The following NEGR1 variants were observed in gnomAD, a reference collection of about 807,000 sequenced individuals.
The protein encoded by NEGR1 is neuronal growth regulator 1, also known as IgLON family member 4.
In NEGR1, 10 loss-of-function variants were observed where a neutral mutation model predicts 40.9. That is an observed-to-expected ratio of 0.24 (90% CI 0.15 to 0.42). The LOEUF (loss-of-function observed/expected upper bound fraction) is 0.42, where lower values mean the gene tolerates loss of function less well. Among genes scored for constraint, NEGR1 ranks in the 10% least tolerant of loss-of-function variants. The probability of loss-of-function intolerance (pLI) is 1.00; values close to 1 mark genes in which losing one functional copy is unlikely to be tolerated. For missense variants in NEGR1, 352 were observed against 438.9 expected (o/e 0.80, Z 1.77); for synonymous variants, 185 against 166.8 (o/e 1.11, Z -0.84).
chr1:71,667,708 G>C lies in NEGR1; in HGVS notation c.667+30300C>G, dbSNP rs137947508. Among the ~76,000 whole-genome samples the C allele has an allele frequency of 7.5e-3, 1,142 of 152,228 alleles. 9 individuals are homozygous for C. The highest frequency in any genetic ancestry group is 0.015 in the South Asian group (73 of 4,820). On this transcript the variant is annotated intron_variant, in intron 4 of 6. Transcript: ENST00000357731. ...AATTTTTAATTTACCATTGAATTTA[G>C]TATAGCAAAATTTCTAAAGGCACAA...
chr1:72,170,700 G>A (rs1432488855), intron 1 of NEGR1, among the ~76,000 whole-genome samples: 1 of 152,188 alleles, frequency 6.6e-6, no homozygotes, highest in Admixed American at 6.5e-5. Context: ...CATGTTTACA[G>A]TTTGATGTAA....
intron 4 of NEGR1, among the ~76,000 whole-genome samples, chr1:71,659,297 A>G (rs1450821164): frequency 3.9e-5 from 6 of 152,168 alleles, no homozygotes; most frequent in Admixed American, 2.6e-4. Flanking sequence ...CCGCTCTTCA[A>G]TAGCCAAATT....
intron 2 of NEGR1, among the ~76,000 whole-genome samples, chr1:71,791,857 A>C (rs1323000653): frequency 2.0e-5 from 3 of 152,126 alleles, no homozygotes; most frequent in Non-Finnish European, 4.4e-5. Context: ...TGATGAGAAG[A>C]AATTTGAGCT....
At chr1:71,992,882 T>C (rs1646467943) in intron 1 of NEGR1, among the ~76,000 whole-genome samples, 1 of 152,204 alleles carries the variant, frequency 6.6e-6, no homozygotes, top group Non-Finnish European at 1.5e-5. Flanking sequence ...AAGTTTAAAT[T>C]ACTTTTAAAG....
intron 3 of NEGR1, among the ~76,000 whole-genome samples, chr1:71,773,153 G>T (rs1656387452): frequency 6.6e-6 from 1 of 152,080 alleles, no homozygotes; most frequent in African/African-American, 2.4e-5. Flanking sequence ...GTAAATAAGG[G>T]TGAAGCTGTA....
chr1:72,041,933 T>C (rs1369027117), intron 1 of NEGR1, among the ~76,000 whole-genome samples: 1 of 144,300 alleles, frequency 6.9e-6, no homozygotes, highest in African/African-American at 2.5e-5. Flanking sequence ...TTATATATAA[T>C]ATATATTTGA....
intron 1 of NEGR1, among the ~76,000 whole-genome samples, chr1:72,101,382 G>A (rs17588282): frequency 0.23 from 34,522 of 152,030 alleles, 4,436 homozygotes; most frequent in Non-Finnish European, 0.29. Flanking sequence ...TTAACATGAA[G>A]AATGCAAAGG....
intron 2 of NEGR1, among the ~76,000 whole-genome samples, chr1:71,883,468 T>C (rs1019205338): frequency 1.2e-4 from 19 of 152,122 alleles, no homozygotes; most frequent in African/African-American, 4.6e-4. Flanking sequence ...AGATAAATAA[T>C]TGAACACAAA....
chr1:71,535,326 C>G (rs1647479796), intron 6 of NEGR1, among the ~76,000 whole-genome samples: 2 of 151,616 alleles, frequency 1.3e-5, no homozygotes, highest in African/African-American at 4.8e-5. Flanking sequence ...GGGTGGCATA[C>G]AACTACAACT....
chr1:71,621,159 C>A (rs1650595917), intron 4 of NEGR1, among the ~76,000 whole-genome samples: 1 of 151,822 alleles, frequency 6.6e-6, no homozygotes, highest in South Asian at 2.1e-4. Context: ...CTTGGCACTG[C>A]AAGCATGTGA....
At chr1:71,520,152 C>T (rs554034294) in intron 6 of NEGR1, among the ~76,000 whole-genome samples, 4 of 152,184 alleles carry the variant, frequency 2.6e-5, no homozygotes, top group African/African-American at 9.6e-5. Flanking sequence ...TTAGCTCTCT[C>T]AGCTTCAGAT....
At chr1:72,009,020 G>C (rs534464930) in intron 1 of NEGR1, among the ~76,000 whole-genome samples, 1 of 150,196 alleles carries the variant, frequency 6.7e-6, no homozygotes, top group East Asian at 2.0e-4. Context: ...AGAAAGAAAA[G>C]AAAGAAAGAA....
At chr1:71,807,486 A>G (rs1657820502) in intron 2 of NEGR1, among the ~76,000 whole-genome samples, 1 of 152,188 alleles carries the variant, frequency 6.6e-6, no homozygotes. Context: ...CAGAAATAGT[A>G]GACAGTGATA....
intron 1 of NEGR1, among the ~76,000 whole-genome samples, chr1:72,088,673 G>A (rs540756848): frequency 3.3e-5 from 5 of 151,696 alleles, no homozygotes; most frequent in Non-Finnish European, 7.4e-5. Context: ...ACACTAAATC[G>A]TACCTTCGAA....
intron 6 of NEGR1, among the ~76,000 whole-genome samples, chr1:71,585,392 G>A (rs1649269642): frequency 6.6e-6 from 1 of 152,016 alleles, no homozygotes; most frequent in African/African-American, 2.4e-5. Context: ...TCCAATTTAA[G>A]GCCAGTTTGA....
chr1:71,981,820 G>C (rs574900242), intron 1 of NEGR1, among the ~76,000 whole-genome samples: 314 of 151,858 alleles, frequency 2.1e-3, no homozygotes, highest in African/African-American at 7.4e-3. Context: ...GAGGCTTCAT[G>C]CATAACAGTG....
chr1:72,066,129 T>C (rs923428333), intron 1 of NEGR1, among the ~76,000 whole-genome samples: 3 of 152,142 alleles, frequency 2.0e-5, no homozygotes, highest in Non-Finnish European at 4.4e-5. Context: ...CAGGGGTTTT[T>C]CCAATATGTC....
At chr1:71,907,561 A>T (rs1661311266) in intron 2 of NEGR1, among the ~76,000 whole-genome samples, 1 of 152,186 alleles carries the variant, frequency 6.6e-6, no homozygotes, top group African/African-American at 2.4e-5. Flanking sequence ...TTGTTGGTGA[A>T]AATGTAAATT....
Position 72,282,295 on chromosome 1 carries a change from C to T in NEGR1, c.176+24G>A, listed in dbSNP as rs1420126184. ...ACAGAAAGATAGACCGAAACAAGTA[C>T]GAAAAGCACGCCGTTCTTCCTACCT... is the stretch of plus-strand genomic sequence containing the variant. On this transcript the variant is annotated intron_variant, in intron 1 of 6. Coordinates refer to ENST00000357731, the MANE Select transcript of NEGR1 (RefSeq NM_173808.3). 1.7e-5 allele frequency: 27 copies of T among 1,612,178 alleles called. No homozygotes were observed. The Admixed American group carries it at 3.8e-4, about 23-fold the overall frequency.
Sources: allele counts gnomAD v4.1 joint callset (sites outside exome capture counted in the v4.1 genomes callset), GRCh38; gene constraint gnomAD v4.1.1; transcripts MANE v1.5; gene names NCBI Gene and HGNC (gene_info 2026-07-23, HGNC 2026-07-21).